Variants in BMPR1B observed in about 807,000 individuals in gnomAD.
BMPR1B encodes the protein bone morphogenetic protein receptor type-1B.
In BMPR1B, 12 loss-of-function variants were observed where a neutral mutation model predicts 59.1. That is an observed-to-expected ratio of 0.20 (90% CI 0.13 to 0.33). The LOEUF is 0.33. Among genes scored for constraint, BMPR1B ranks in the 10% least tolerant of loss-of-function variants. The probability of loss-of-function intolerance (pLI) is 1.00; values close to 1 mark genes in which losing one functional copy is unlikely to be tolerated. For synonymous variants in BMPR1B, 237 were observed against 207.3 expected (o/e 1.14, Z -1.23); for missense variants, 550 against 610.9 (o/e 0.90, Z 1.05).
chr4:94,873,313 T>G (rs2148969813), intron 1 of BMPR1B, among the ~76,000 whole-genome samples: 1 of 152,318 alleles, frequency 6.6e-6, no homozygotes, highest in South Asian at 2.1e-4. Flanking sequence ...TCCTTCATCG[T>G]TTGGAGATGA....
intron 2 of BMPR1B, among the ~76,000 whole-genome samples, chr4:94,981,740 T>C (rs1458914581): frequency 6.6e-6 from 1 of 152,188 alleles, no homozygotes; most frequent in Admixed American, 6.5e-5. Flanking sequence ...AATTGAACAA[T>C]AGAAATGGCA....
chr4:95,031,032 T>C (rs1346239559), intron 3 of BMPR1B, among the ~76,000 whole-genome samples: 2 of 151,852 alleles, frequency 1.3e-5, no homozygotes, highest in Non-Finnish European at 2.9e-5. Flanking sequence ...TTAAAGTTCA[T>C]ATGGAACCAA....
chr4:95,094,785 G>A (rs1259882460), intron 3 of BMPR1B, among the ~76,000 whole-genome samples: 1 of 152,062 alleles, frequency 6.6e-6, no homozygotes. Context: ...TTTGTCATCT[G>A]ACATTTCACT....
At chr4:95,001,650 GT>G (rs1722459006) in intron 3 of BMPR1B, among the ~76,000 whole-genome samples, 1 of 152,040 alleles carries the variant, frequency 6.6e-6, no homozygotes. Flanking sequence ...TTATAATTTT[GT>G]TTAAAGATGA....
chr4:95,139,064 T>C (rs890164875), intron 10 of BMPR1B, among the ~76,000 whole-genome samples: 1 of 152,190 alleles, frequency 6.6e-6, no homozygotes, highest in African/African-American at 2.4e-5. Flanking sequence ...CTTTGGTCTT[T>C]GATGATGGTG....
chr4:95,119,333 T>C (rs1732305422), intron 6 of BMPR1B, among the ~76,000 whole-genome samples: 1 of 152,182 alleles, frequency 6.6e-6, no homozygotes, highest in Non-Finnish European at 1.5e-5. Flanking sequence ...ATATTGTGAG[T>C]TGTGCTTTCA....
intron 1 of BMPR1B, among the ~76,000 whole-genome samples, chr4:94,840,036 G>C (rs1479291686): frequency 6.6e-6 from 1 of 151,912 alleles, no homozygotes; most frequent in African/African-American, 2.4e-5. Context: ...AGTTTGGCTG[G>C]ATATGAAATT....
At chr4:95,095,445 G>A (rs1365183035) in intron 3 of BMPR1B, among the ~76,000 whole-genome samples, 1 of 152,038 alleles carries the variant, frequency 6.6e-6, no homozygotes, top group South Asian at 2.1e-4. Flanking sequence ...TTGCTAGCCA[G>A]TTCAGTACTT....
chr4:95,052,405 C>T (rs935292603), intron 3 of BMPR1B, among the ~76,000 whole-genome samples: 6 of 152,044 alleles, frequency 3.9e-5, no homozygotes, highest in African/African-American at 1.4e-4. Context: ...AGTGGTTGAG[C>T]TATTTTCAAA....
chr4:94,789,264 T>C (rs745994946), intron 1 of BMPR1B, among the ~76,000 whole-genome samples: 11 of 152,244 alleles, frequency 7.2e-5, no homozygotes, highest in Non-Finnish European at 1.2e-4. Context: ...CCTTTACAAT[T>C]TGCTTTAAAC....
At chr4:94,780,890 G>T (rs529448845) in intron 1 of BMPR1B, among the ~76,000 whole-genome samples, 2 of 151,832 alleles carry the variant, frequency 1.3e-5, no homozygotes, top group East Asian at 3.9e-4. Context: ...GGGTTTCACC[G>T]TGTTAGCCAG....
chr4:94,840,591 C>G (rs1462024862), intron 1 of BMPR1B, among the ~76,000 whole-genome samples: 1 of 145,528 alleles, frequency 6.9e-6, no homozygotes, highest in Non-Finnish European at 1.5e-5. Flanking sequence ...ACGTAGTTCT[C>G]GAGCCTTGGT....
At chr4:95,110,596 A>T (rs1433780283) in intron 4 of BMPR1B, among the ~76,000 whole-genome samples, 1 of 152,150 alleles carries the variant, frequency 6.6e-6, no homozygotes, top group Non-Finnish European at 1.5e-5. Context: ...GGGGAAAAGA[A>T]GTAGGATTCT....
chr4:95,077,201 A>G (rs1728776439), intron 3 of BMPR1B, among the ~76,000 whole-genome samples: 1 of 152,132 alleles, frequency 6.6e-6, no homozygotes, highest in Non-Finnish European at 1.5e-5. Flanking sequence ...CTACTGGGAA[A>G]AAGAGAAATC....
intron 3 of BMPR1B, among the ~76,000 whole-genome samples, chr4:95,028,771 C>G (rs576837302): frequency 6.6e-6 from 1 of 151,910 alleles, no homozygotes; most frequent in South Asian, 2.1e-4. Flanking sequence ...AGAAATCTAC[C>G]GTTTCTAATG....
rs1049949236 is a variant in BMPR1B at position 94,799,851 on chromosome 4, C to T, written c.-183+41783C>T. On this transcript the variant is annotated intron_variant, in intron 1 of 12. Transcript: ENST00000515059. ...GATTACAGGTGTGTACCATCACACT[C>T]GGCTAATTTTTGTGTTTTTAGTAGA... is the stretch of plus-strand genomic sequence containing the variant. 5.3e-5 allele frequency among the ~76,000 whole-genome samples: 8 copies of T among 151,830 alleles called. No homozygotes were observed. The South Asian group carries it at 1.3e-3, about 24-fold the overall frequency.
At chr4:95,046,496 T>C (rs951257840) in intron 3 of BMPR1B, among the ~76,000 whole-genome samples, 7 of 152,174 alleles carry the variant, frequency 4.6e-5, no homozygotes, top group Admixed American at 3.3e-4. Flanking sequence ...ATTTAACAGT[T>C]AGGTAATGAG....
rs1732721627 is a variant in BMPR1B at position 95,123,951 on chromosome 4, C to T, written c.446+45C>T. ...ATGCAAAATTTTTAATTTATAGTGTCTTCTTTTTACTAATATTCTGCTTTT... is the reference window on the plus strand; with the variant it reads ...ATGCAAAATTTTTAATTTATAGTGTTTTCTTTTTACTAATATTCTGCTTTT... On this transcript the variant is annotated intron_variant, in intron 7 of 12. Coordinates refer to ENST00000515059, the MANE Select transcript of BMPR1B (RefSeq NM_001203.3). The T allele has an allele frequency of 3.8e-6, 5 of 1,304,852 alleles. No homozygotes were observed. The East Asian group carries it at 1.2e-4, about 30-fold the overall frequency. 80.8% of individuals were successfully genotyped at this position (1,304,852 alleles called of 1,614,324 possible).
At chr4:95,114,657 C>CAA in intron 4 of BMPR1B, 63 bp from the exon 5 acceptor site, 1 of 1,350,546 alleles carries the variant, frequency 7.4e-7, no homozygotes, top group Non-Finnish European at 1.1e-6. Flanking sequence ...CACACACACA[C>CAA]ACACACACAC....
Sources: gnomAD v4.1 joint callset for allele counts (sites outside exome capture counted in the v4.1 genomes callset) on GRCh38, gnomAD v4.1.1 for gene constraint, MANE v1.5 for transcripts, NCBI Gene and HGNC (gene_info 2026-07-23, HGNC 2026-07-21) for gene names.